NOS1AP: variants seen among roughly 807,000 people sequenced by gnomAD.
The protein encoded by NOS1AP is carboxyl-terminal PDZ ligand of neuronal nitric oxide synthase protein.
A neutral mutation model predicts 56.2 loss-of-function variants in NOS1AP; 21 were observed. The ratio of observed to expected loss-of-function variants is 0.37; its 90% CI spans 0.26 to 0.54. The LOEUF (loss-of-function observed/expected upper bound fraction) is 0.54. Among genes scored for constraint, NOS1AP ranks in the 20% least tolerant of loss-of-function variants. NOS1AP has a pLI of 0.84. For missense variants in NOS1AP, 522 were observed against 657.8 expected, an observed-to-expected ratio of 0.79 and a Z score of 2.26; for synonymous variants, 270 against 274.6, an observed-to-expected ratio of 0.98 and a Z score of 0.17.
intron 2 of NOS1AP, among the ~76,000 whole-genome samples, chr1:162,239,327 G>A (rs1445822165): frequency 6.6e-6 from 1 of 152,164 alleles, no homozygotes; most frequent in Non-Finnish European, 1.5e-5. Context: ...TTCTCTTATT[G>A]CAAGTTCCTA....
At chr1:162,263,678 C>T (rs1654309997) in intron 2 of NOS1AP, among the ~76,000 whole-genome samples, 1 of 152,100 alleles carries the variant, frequency 6.6e-6, no homozygotes, top group Admixed American at 6.5e-5. Context: ...CACAGACCAC[C>T]CAGAATTTCT....
intron 6 of NOS1AP, among the ~76,000 whole-genome samples, chr1:162,347,890 C>T (rs985083161): frequency 1.3e-5 from 2 of 152,252 alleles, no homozygotes; most frequent in Admixed American, 6.5e-5. Context: ...CACCTCCATG[C>T]AGACATCTTA....
chr1:162,275,176 TTC>T (rs1654698422), intron 2 of NOS1AP, among the ~76,000 whole-genome samples: 1 of 152,216 alleles, frequency 6.6e-6, no homozygotes, highest in South Asian at 2.1e-4. Flanking sequence ...TCGTTGTTGT[TTC>T]TGTTTTGTTT....
At chr1:162,347,076 C>T (rs1472988179) in intron 6 of NOS1AP, among the ~76,000 whole-genome samples, 1 of 152,164 alleles carries the variant, frequency 6.6e-6, no homozygotes, top group East Asian at 1.9e-4. Context: ...TGACAGTTTC[C>T]TATAACTAAT....
chr1:162,106,955 G>A (rs960805714), intron 1 of NOS1AP, among the ~76,000 whole-genome samples: 7 of 151,916 alleles, frequency 4.6e-5, no homozygotes, highest in African/African-American at 4.9e-5. Context: ...TGAAATATGC[G>A]TTTTACTATT....
intron 2 of NOS1AP, among the ~76,000 whole-genome samples, chr1:162,272,669 T>G (rs1654619629): frequency 6.6e-6 from 1 of 152,038 alleles, no homozygotes. Context: ...TTTGTCTGAG[T>G]CCCATATATG....
At chr1:162,233,763 T>A (rs76287795) in intron 2 of NOS1AP, among the ~76,000 whole-genome samples, 4 of 152,360 alleles carry the variant, frequency 2.6e-5, no homozygotes, top group Admixed American at 6.5e-5. Flanking sequence ...AACTTTGCTT[T>A]GTGGCCAGGA....
At chr1:162,196,136 T>C (rs1341370415) in intron 2 of NOS1AP, among the ~76,000 whole-genome samples, 1 of 152,246 alleles carries the variant, frequency 6.6e-6, no homozygotes, top group Non-Finnish European at 1.5e-5. Context: ...TTTCTGTATC[T>C]ATACACTCTC....
chr1:162,256,432 G>A (rs539298796), intron 2 of NOS1AP, among the ~76,000 whole-genome samples: 14 of 152,252 alleles, frequency 9.2e-5, no homozygotes, highest in African/African-American at 3.4e-4. Flanking sequence ...GAGTCCTTGG[G>A]ATTTTCCCTT....
At chr1:162,300,522 G>C (rs1655614875) in intron 3 of NOS1AP, 111 bp from the exon 4 acceptor site, 2 of 909,432 alleles carry the variant, frequency 2.2e-6, no homozygotes, top group East Asian at 2.5e-5. Context: ...AGGCCTCTTA[G>C]AGGGAAAAAG....
chr1:162,318,094 C>A (rs1656290454), intron 4 of NOS1AP, among the ~76,000 whole-genome samples: 1 of 152,208 alleles, frequency 6.6e-6, no homozygotes, highest in South Asian at 2.1e-4. Flanking sequence ...CCTCTTCTTG[C>A]ACTCTGCCTT....
intron 1 of NOS1AP, among the ~76,000 whole-genome samples, chr1:162,082,284 T>A (rs1570994656): frequency 6.6e-6 from 1 of 152,320 alleles, no homozygotes; most frequent in East Asian, 1.9e-4. Flanking sequence ...TACTTTTTCA[T>A]GGCTGCATAG....
rs559563076 is a variant in NOS1AP, at chr1:162,272,484, C to G, written c.178-14860C>G. Reference sequence around the variant, plus strand: ...AGGCTCCAAGGAGGAGAAACTCACCCAGAGAGGCAGCAACACGAAAAGATG... The same window carrying G: ...AGGCTCCAAGGAGGAGAAACTCACCGAGAGAGGCAGCAACACGAAAAGATG... On this transcript the variant is annotated intron_variant, in intron 2 of 9. Transcript: ENST00000361897. 7.9e-5 allele frequency among the ~76,000 whole-genome samples: 12 copies of G among 152,230 alleles called. No individual in the cohort carries two copies. In the East Asian group the frequency reaches 2.3e-3, roughly 29 times the overall value.
chr1:162,070,450 C>A (rs946640622), intron 1 of NOS1AP, among the ~76,000 whole-genome samples, 168 bp downstream of exon 1: 1 of 152,208 alleles, frequency 6.6e-6, no homozygotes, highest in African/African-American at 2.4e-5. Context: ...ATTCCGCGGG[C>A]TCCTGCCCAG....
In NOS1AP at chr1:162,343,970, G is replaced by T; in HGVS notation, c.589G>T (p.Asp197Tyr). 1.2e-6 allele frequency: 2 copies of T among 1,614,092 alleles called. No homozygotes were observed. Among genetic ancestry groups the T allele is most frequent in the South Asian group, 2.2e-5 (2 of 91,052 alleles). The stretch of plus-strand genomic sequence containing the variant: ...CGAGAGGAACAGCAACAGCTCAGGA[G>T]ACCCAGGTAGGCACTGCGGCTTCTG... ...ESERNSNSSG[D>Y]PGRQLTGAER... Residue 197 changes from aspartate to tyrosine, a missense_variant, in exon 6 of 10, where the codon GAC becomes TAC. Around this residue, in one of 4 missense-constraint regions of NOS1AP, gnomAD observed 178 missense variants for 165.0 expected, o/e 1.08. Transcript: ENST00000361897.
At chr1:162,305,704 C>T (rs1386594370) in intron 4 of NOS1AP, among the ~76,000 whole-genome samples, 1 of 152,090 alleles carries the variant, frequency 6.6e-6, no homozygotes, top group African/African-American at 2.4e-5. Flanking sequence ...ATGTGGAAGA[C>T]ATATTTTTAC....
intron 2 of NOS1AP, among the ~76,000 whole-genome samples, chr1:162,248,602 T>A (rs1237337839): frequency 1.3e-5 from 2 of 152,188 alleles, no homozygotes; most frequent in African/African-American, 4.8e-5. Flanking sequence ...AATTTCCTTA[T>A]GACCCTTTAG....
At chr1:162,122,504 T>TC (rs1648280406) in intron 1 of NOS1AP, among the ~76,000 whole-genome samples, 1 of 128,866 alleles carries the variant, frequency 7.8e-6, no homozygotes, top group Non-Finnish European at 1.7e-5. Flanking sequence ...ATATAATGAA[T>TC]CCCCATTTTT....
chr1:162,097,707 A>G (rs1692277458), intron 1 of NOS1AP, among the ~76,000 whole-genome samples: 1 of 152,140 alleles, frequency 6.6e-6, no homozygotes, highest in South Asian at 2.1e-4. Context: ...ATTCAGTTCT[A>G]TTGGTCTGTT....
Sources: allele counts gnomAD v4.1 joint callset (sites outside exome capture counted in the v4.1 genomes callset), GRCh38; gene constraint gnomAD v4.1.1; regional missense constraint gnomAD v4.1.1; transcripts MANE v1.5; gene names NCBI Gene and HGNC (gene_info 2026-07-23, HGNC 2026-07-21).